Variants in AOPEP observed in about 807,000 individuals in gnomAD.
AOPEP encodes aminopeptidase O (putative).
A neutral mutation model predicts 98.1 loss-of-function variants in AOPEP; 77 were observed. That is an observed-to-expected ratio of 0.78 (90% CI 0.65 to 0.95). The LOEUF (loss-of-function observed/expected upper bound fraction) is 0.95. Ranked by LOEUF, AOPEP falls within the 40% of genes least tolerant of loss-of-function variation. The pLI, the probability that AOPEP is intolerant of heterozygous loss-of-function variation, is 0.00. For missense variants in AOPEP, 1,024 were observed against 1,024.7 expected (o/e 1.00, Z 0.01); for synonymous variants, 346 against 365.3 (o/e 0.95, Z 0.60).
At chr9:95,086,118 CTG>C in intron 16 of AOPEP, 1 of 1,365,128 alleles carries the variant, frequency 7.3e-7, no homozygotes, top group African/African-American at 1.5e-5. Context: ...GCCTTCGTGT[CTG>C]TAAGTGCCCG....
chr9:94,859,186 A>T lies in AOPEP; in HGVS notation c.1364+58184A>T, dbSNP rs114100429. The stretch of plus-strand genomic sequence containing the variant: ...CCATGTGAGGATGCAATGAGAAGGC[A>T]GTCATCTGCAAACCAGAAAGAGGGT... On this transcript the variant is annotated intron_variant, in intron 5 of 16. Coordinates refer to ENST00000375315, the MANE Select transcript of AOPEP (RefSeq NM_001193329.3). Among the ~76,000 whole-genome samples, 1,111 of 152,320 alleles carry T rather than the reference A, an allele frequency of 7.3e-3. 16 individuals carry two copies. Among genetic ancestry groups the T allele is most frequent in the African/African-American group, 0.026 (1,072 of 41,568 alleles).
the AOPEP span, among the ~76,000 whole-genome samples, chr9:95,137,884 T>C: frequency 6.6e-6 from 1 of 152,206 alleles, no homozygotes; most frequent in South Asian, 2.1e-4. Flanking sequence ...AGGCCCTGGA[T>C]GGCAGCACAT....
rs2053030390 is a variant in AOPEP at position 94,917,696 on chromosome 9, TTCTC to T, written c.1365-6285_1365-6282del. On this transcript the variant is annotated intron_variant, in intron 5 of 16. Transcript: ENST00000375315. ...TCACTGCTACTTCCCTAACCTCAGT[TTCTC>T]TCTCCTTCATCTTGTTAGCTGCCTC... 2.0e-5 allele frequency among the ~76,000 whole-genome samples: 3 copies of T among 151,944 alleles called. No individual in the cohort carries two copies. In the South Asian group the frequency reaches 6.2e-4, roughly 32 times the overall value.
rs999601665 is a variant in AOPEP, at chr9:94,762,683, GT to G, written c.797+2107del. 2.0e-4 allele frequency among the ~76,000 whole-genome samples: 30 copies of G among 152,248 alleles called. No homozygotes were observed. In the East Asian group the frequency reaches 5.4e-3, roughly 27 times the overall value. Reference sequence around the variant, plus strand: ...TTTAAAAAACAAATTCTAGAAAGGTGTTTTCTCTTTTTTTCCCTTTTTCTGG... The same window carrying G: ...TTTAAAAAACAAATTCTAGAAAGGTGTTTCTCTTTTTTTCCCTTTTTCTGG... On this transcript the variant is annotated intron_variant, in intron 2 of 16. Transcript: ENST00000375315.
At chr9:95,101,599 C>G in the AOPEP span, 1 of 1,353,584 alleles carries the variant, frequency 7.4e-7, no homozygotes, top group Non-Finnish European at 1.0e-6. Context: ...TCTCACAGCC[C>G]AGCGAGGGCA....
chr9:95,131,071 C>A, the AOPEP span, among the ~76,000 whole-genome samples: 1 of 152,160 alleles, frequency 6.6e-6, no homozygotes, highest in African/African-American at 2.4e-5. Flanking sequence ...TCTTTTTAAT[C>A]TTTACCAGAT....
the AOPEP span, among the ~76,000 whole-genome samples, chr9:95,124,163 T>C: frequency 1.3e-5 from 2 of 150,974 alleles, no homozygotes; most frequent in Non-Finnish European, 2.9e-5. Flanking sequence ...AGAGATCTAT[T>C]TGACGTTGGC....
chr9:94,864,830 A>G (rs1200468424), intron 5 of AOPEP, among the ~76,000 whole-genome samples: 2 of 152,224 alleles, frequency 1.3e-5, no homozygotes, highest in Non-Finnish European at 2.9e-5. Flanking sequence ...TGTTAGAGCC[A>G]GATCTGTCTT....
chr9:94,963,649 C>A (rs1229532884), intron 9 of AOPEP, among the ~76,000 whole-genome samples: 1 of 152,076 alleles, frequency 6.6e-6, no homozygotes, highest in African/African-American at 2.4e-5. Flanking sequence ...TTTTCAGGCA[C>A]ACTGCAGAGG....
At chr9:95,014,472 A>C (rs1005090715) in intron 13 of AOPEP, among the ~76,000 whole-genome samples, 2 of 144,874 alleles carry the variant, frequency 1.4e-5, no homozygotes, top group African/African-American at 5.0e-5. Flanking sequence ...ACCCTGTTTC[A>C]AAAAAAAAAA....
the AOPEP span, among the ~76,000 whole-genome samples, chr9:95,116,590 C>T: frequency 1.1e-3 from 167 of 152,342 alleles, 1 homozygote; most frequent in African/African-American, 3.6e-3. Flanking sequence ...TCCAATAAGG[C>T]CCCTTTCTGG....
At chr9:95,085,392 C>T (rs776496075) in intron 16 of AOPEP, 5 of 510,200 alleles carry the variant, frequency 9.8e-6, no homozygotes, top group Non-Finnish European at 2.0e-5. Flanking sequence ...AAGAAGCCAC[C>T]AGCTGAGGAA....
At chr9:94,773,325 G>C in intron 3 of AOPEP, 157 bp downstream of exon 3, 1 of 587,208 alleles carries the variant, frequency 1.7e-6, no homozygotes, top group South Asian at 3.0e-5. Flanking sequence ...ACAAGCAGGG[G>C]ATGGGGAGGG....
chr9:94,855,312 A>G (rs1468948091), intron 5 of AOPEP, among the ~76,000 whole-genome samples: 1 of 152,062 alleles, frequency 6.6e-6, no homozygotes, highest in African/African-American at 2.4e-5. Flanking sequence ...TCCTGACCTC[A>G]GGTTATCTGC....
At chr9:94,901,236 G>A (rs2050350325) in intron 5 of AOPEP, among the ~76,000 whole-genome samples, 2 of 152,122 alleles carry the variant, frequency 1.3e-5, no homozygotes. Context: ...AGCTTTTAAT[G>A]AAGAATGGCC....
the AOPEP span, chr9:95,107,661 C>A: frequency 2.7e-6 from 1 of 375,378 alleles, no homozygotes; most frequent in South Asian, 2.6e-5. Context: ...AGACCTCCGC[C>A]GAGCCAGTGT....
intron 3 of AOPEP, among the ~76,000 whole-genome samples, chr9:94,788,337 C>G (rs1430666301): frequency 6.6e-6 from 1 of 152,128 alleles, no homozygotes; most frequent in Non-Finnish European, 1.5e-5. Context: ...CCTAGGCCTC[C>G]CAAAGTGCTA....
At chr9:95,130,137 C>T in the AOPEP span, among the ~76,000 whole-genome samples, 1 of 152,162 alleles carries the variant, frequency 6.6e-6, no homozygotes, top group Non-Finnish European at 1.5e-5. Context: ...GGCTCTTGTG[C>T]CCGGTCCTTG....
intron 13 of AOPEP, among the ~76,000 whole-genome samples, chr9:95,006,653 C>T (rs2062045600): frequency 6.6e-6 from 1 of 152,024 alleles, no homozygotes; most frequent in South Asian, 2.1e-4. Flanking sequence ...AAGGGGGACC[C>T]CACCCCTTTT....
Sources: gnomAD v4.1 joint callset for allele counts (sites outside exome capture counted in the v4.1 genomes callset) on GRCh38, gnomAD v4.1.1 for gene constraint, MANE v1.5 for transcripts, NCBI Gene and HGNC (gene_info 2026-07-23, HGNC 2026-07-21) for gene names.